DAPK1: variants seen among roughly 807,000 people sequenced by gnomAD.
DAPK1 encodes the protein death-associated protein kinase 1.
In DAPK1, 56 loss-of-function variants were observed where a neutral mutation model predicts 144.9. That is an observed-to-expected ratio of 0.39 (90% CI 0.31 to 0.48). The LOEUF (loss-of-function observed/expected upper bound fraction) is 0.48. Ranked by LOEUF, DAPK1 falls within the 20% of genes least tolerant of loss-of-function variation. DAPK1 has a pLI of 0.95. For synonymous variants in DAPK1, 690 were observed against 749.0 expected, an observed-to-expected ratio of 0.92 and a Z score of 1.29; for missense variants, 1,454 against 1,875.4, an observed-to-expected ratio of 0.78 and a Z score of 4.15.
Position 87,587,372 on chromosome 9 carries a change from A to G in DAPK1, c.63-17582A>G, listed in dbSNP as rs970616005. On this transcript the variant is annotated intron_variant, in intron 2 of 25. Transcript: ENST00000408954. ...CATGCTCACCGTGTGTTTCTTATAT[A>G]GAATAAGTACTGGTCTTGCATGATC... is the stretch of plus-strand genomic sequence containing the variant. Among the ~76,000 whole-genome samples the G allele has an allele frequency of 3.3e-5, 5 of 152,240 alleles. No homozygotes were observed. The East Asian group carries it at 5.8e-4, about 18-fold the overall frequency.
chr9:87,501,140 C>T (rs1278332566), intron 2 of DAPK1, among the ~76,000 whole-genome samples: 1 of 152,098 alleles, frequency 6.6e-6, no homozygotes, highest in Non-Finnish European at 1.5e-5. Flanking sequence ...AGTTTGGTGG[C>T]AGGAAAATGG....
At position 87,686,714 on chromosome 9, in the gene DAPK1, C is replaced by T. The variant is rs1277277036; in HGVS notation, c.2388C>T (p.Ile796=). ...CSADDQSTKA[I]DIQNAYLNGV... is the part of the protein sequence containing the mutation. ...CCGATGACCAGTCCACCAAGGCCATCGACATCCAGAACGCTTATTTGAATG... is the reference window on the plus strand; with the variant it reads ...CCGATGACCAGTCCACCAAGGCCATTGACATCCAGAACGCTTATTTGAATG... The change falls in exon 21 of 26, where the codon ATC becomes ATT. Residue 796 remains isoleucine (I), a synonymous_variant. Transcript: ENST00000408954. This position sits in a 1 kb window ranked among gnomAD's most constrained non-coding sequence, Gnocchi z 4.2. The T allele has an allele frequency of 1.2e-6, 2 of 1,612,640 alleles. No homozygotes were observed. The highest frequency in any genetic ancestry group is 1.7e-5 in the Admixed American group (1 of 59,972).
chr9:87,498,963 T>C lies in DAPK1; in HGVS notation c.-108-7T>C. The C allele has an allele frequency of 1.3e-6, 1 of 753,820 alleles. No individual in the cohort carries two copies. Among genetic ancestry groups the C allele is most frequent in the Non-Finnish European group, 2.3e-6 (1 of 441,088 alleles). The allele number at this position is 753,820 out of a possible 1,614,324, so 46.7% of individuals were successfully genotyped here. On this transcript the variant is annotated splice_polypyrimidine_tract_variant and splice_region_variant and intron_variant, in intron 1 of 25. Coordinates refer to ENST00000408954, the MANE Select transcript of DAPK1 (RefSeq NM_004938.4). Reference sequence around the variant, plus strand: ...TATTATTATTGCCTTTTTTTTTTCTTCAAAAGGACTGGAGACTGATGCATG... The same window carrying C: ...TATTATTATTGCCTTTTTTTTTTCTCCAAAAGGACTGGAGACTGATGCATG...
chr9:87,620,538 CAAG>C (rs997659879), intron 3 of DAPK1, among the ~76,000 whole-genome samples: 22 of 125,710 alleles, frequency 1.8e-4, no homozygotes, highest in African/African-American at 6.6e-4. Flanking sequence ...TAAGCCCAGT[CAAG>C]AAGGAGGAAG....
chr9:87,693,825 G>C (rs1825162319), intron 21 of DAPK1, among the ~76,000 whole-genome samples: 1 of 152,072 alleles, frequency 6.6e-6, no homozygotes, highest in Non-Finnish European at 1.5e-5. Flanking sequence ...TTTTTTTTCA[G>C]CTGTAAGCAG....
intron 3 of DAPK1, among the ~76,000 whole-genome samples, chr9:87,616,936 G>T (rs1829119021): frequency 6.6e-6 from 1 of 152,234 alleles, no homozygotes; most frequent in African/African-American, 2.4e-5. Context: ...CCTAAACCCA[G>T]AAGTGGATGT....
chr9:87,686,606 C>T lies in DAPK1; in HGVS notation c.2280C>T (p.Ser760=). The change falls in exon 21 of 26, where the codon AGC becomes AGT. Residue 760 remains serine, a synonymous_variant. Coordinates refer to ENST00000408954, the MANE Select transcript of DAPK1 (RefSeq NM_004938.4). The surrounding 1 kb of genome is among the most constrained non-coding windows in gnomAD (Gnocchi z 4.2). ...GCTGCGAGAACGTGAGTGTGAGGAG[C>T]CGCAGCATGATGTTCGAGCCGGGTC... The part of the protein sequence containing the change: ...YPGCENVSVR[S]RSMMFEPGLT... 1 of 1,603,842 alleles carries T rather than the reference C, an allele frequency of 6.2e-7. No individual in the cohort carries two copies. Among genetic ancestry groups the T allele is most frequent in the Non-Finnish European group, 8.5e-7 (1 of 1,174,006 alleles).
At chr9:87,607,003 C>A (rs1828755945) in intron 3 of DAPK1, among the ~76,000 whole-genome samples, 1 of 151,646 alleles carries the variant, frequency 6.6e-6, no homozygotes, top group Admixed American at 6.6e-5. Flanking sequence ...AAAAATATAT[C>A]CAGACATTGC....
chr9:87,541,566 A>C (rs78606402), intron 2 of DAPK1, among the ~76,000 whole-genome samples: 2 of 146,340 alleles, frequency 1.4e-5, no homozygotes, highest in South Asian at 4.5e-4. Flanking sequence ...AAAAAAAAAA[A>C]AGATGGAGAA....
chr9:87,663,808 C>T (rs561045765), intron 18 of DAPK1, among the ~76,000 whole-genome samples: 4 of 152,240 alleles, frequency 2.6e-5, no homozygotes, highest in Admixed American at 2.6e-4. Flanking sequence ...TGTGCTTCCT[C>T]CTCCCCAGTG....
At chr9:87,507,681 G>T (rs1200231894) in intron 2 of DAPK1, among the ~76,000 whole-genome samples, 1 of 152,112 alleles carries the variant, frequency 6.6e-6, no homozygotes, top group African/African-American at 2.4e-5. Flanking sequence ...TACAACTTTG[G>T]ACGAAGAACA....
chr9:87,625,082 G>A (rs1382252844), intron 3 of DAPK1, among the ~76,000 whole-genome samples: 2 of 152,220 alleles, frequency 1.3e-5, no homozygotes, highest in Non-Finnish European at 2.9e-5. Context: ...AAGAATGAAA[G>A]CAAAATAGAA....
rs77828776 is a variant in DAPK1, at chr9:87,674,723, G to C, written c.2001+6049G>C. On this transcript the variant is annotated intron_variant, in intron 19 of 25. Coordinates refer to ENST00000408954, the MANE Select transcript of DAPK1 (RefSeq NM_004938.4). Reference sequence around the variant, plus strand: ...TCACTGCACCCTGCCACATGGGCAAGGCCACATCGCCTCTCAGTGCTCTTA... The same window carrying C: ...TCACTGCACCCTGCCACATGGGCAACGCCACATCGCCTCTCAGTGCTCTTA... 7.2e-3 allele frequency among the ~76,000 whole-genome samples: 1,100 copies of C among 152,244 alleles called. 27 individuals are homozygous for C. The East Asian group carries it at 0.076, about 11-fold the overall frequency.
intron 3 of DAPK1, among the ~76,000 whole-genome samples, chr9:87,625,824 A>G (rs1829471189): frequency 6.6e-6 from 1 of 152,276 alleles, no homozygotes; most frequent in Admixed American, 6.5e-5. Flanking sequence ...CCGTTTAACA[A>G]AACATCACTT....
intron 20 of DAPK1, among the ~76,000 whole-genome samples, chr9:87,682,629 T>A (rs561764013): frequency 4.7e-4 from 71 of 152,240 alleles, no homozygotes; most frequent in South Asian, 8.3e-4. Flanking sequence ...AGAATTGAAA[T>A]GAGGAGAAGA....
chr9:87,567,514 C>G (rs60555277), intron 2 of DAPK1, among the ~76,000 whole-genome samples: 1,765 of 152,062 alleles, frequency 0.012, 22 homozygotes, highest in African/African-American at 0.04. Context: ...ATCAGTAGAC[C>G]CCGCTCACAA....
chr9:87,558,997 GTCTC>G (rs1826812795), intron 2 of DAPK1, among the ~76,000 whole-genome samples: 3 of 152,078 alleles, frequency 2.0e-5, no homozygotes, highest in Admixed American at 2.0e-4. Context: ...GTAAGTCATG[GTCTC>G]TCTCTGTAAG....
At chr9:87,504,706 C>G (rs1824525457) in intron 2 of DAPK1, among the ~76,000 whole-genome samples, 1 of 152,168 alleles carries the variant, frequency 6.6e-6, no homozygotes, top group Non-Finnish European at 1.5e-5. Flanking sequence ...TCCAGGACCT[C>G]TGGGGACACC....
intron 18 of DAPK1, among the ~76,000 whole-genome samples, chr9:87,659,606 G>A (rs1050446998): frequency 1.3e-5 from 2 of 152,254 alleles, no homozygotes; most frequent in South Asian, 2.1e-4. Context: ...GGGTCCCTCC[G>A]TGAGCCGCGG....
Sources: gnomAD v4.1 joint callset for allele counts (sites outside exome capture counted in the v4.1 genomes callset) on GRCh38, gnomAD v4.1.1 for gene constraint, Gnocchi (gnomAD v3.1) non-coding constraint, MANE v1.5 for transcripts, NCBI Gene and HGNC (gene_info 2026-07-23, HGNC 2026-07-21) for gene names.